SMCHD1: variants seen among roughly 807,000 people sequenced by gnomAD.
SMCHD1 encodes structural maintenance of chromosomes flexible hinge domain containing 1.
In SMCHD1, 78 loss-of-function variants were observed where a neutral mutation model predicts 254.7. That is an observed-to-expected ratio of 0.31 (90% confidence interval 0.26 to 0.37). SMCHD1 has a LOEUF of 0.37. SMCHD1 is among the 10% of genes least tolerant of loss of function. The pLI is 1.00. For missense variants in SMCHD1, 1,840 were observed against 2,408.1 expected (o/e 0.76, Z 4.94); for synonymous variants, 766 against 794.9 (o/e 0.96, Z 0.61).
At chr18:2,679,513 G>T (rs557884870) in intron 5 of SMCHD1, among the ~76,000 whole-genome samples, 1 of 126,722 alleles carries the variant, frequency 7.9e-6, no homozygotes, top group African/African-American at 2.7e-5. Flanking sequence ...ACTCTTGGTT[G>T]ACAGTCTTTT....
chr18:2,777,079 A>T (rs2076081157), intron 42 of SMCHD1, among the ~76,000 whole-genome samples: 1 of 121,262 alleles, frequency 8.2e-6, no homozygotes, highest in Admixed American at 9.1e-5. Flanking sequence ...CCCATACCCT[A>T]ATACTTTTTG....
At chr18:2,780,243 A>T (rs1207336094) in intron 44 of SMCHD1, among the ~76,000 whole-genome samples, 53 of 37,796 alleles carry the variant, frequency 1.4e-3, no homozygotes, top group African/African-American at 3.0e-3. Flanking sequence ...CTATCTAAAA[A>T]AAAAAAAAAA....
At chr18:2,705,639 C>T in intron 13 of SMCHD1, 55 bp from the exon 14 acceptor site, 3 of 819,608 alleles carry the variant, frequency 3.7e-6, no homozygotes, top group Non-Finnish European at 5.5e-6. Context: ...AAGCCTTTTT[C>T]TCTTCGTAAA....
chr18:2,717,411 G>A (rs2074826022), intron 17 of SMCHD1, among the ~76,000 whole-genome samples: 1 of 151,974 alleles, frequency 6.6e-6, no homozygotes, highest in Non-Finnish European at 1.5e-5. Context: ...TTCATAGCTC[G>A]CTGTGGCCTT....
intron 37 of SMCHD1, among the ~76,000 whole-genome samples, chr18:2,768,242 ATAAC>A (rs2075906133): frequency 6.6e-6 from 1 of 152,216 alleles, no homozygotes; most frequent in South Asian, 2.1e-4. Context: ...GAAAATATAA[ATAAC>A]CTGTAAACAT....
At chr18:2,743,500 G>A (rs186527677) in intron 28 of SMCHD1, among the ~76,000 whole-genome samples, 1 of 152,042 alleles carries the variant, frequency 6.6e-6, no homozygotes, top group Non-Finnish European at 1.5e-5. Context: ...ATAAAGAAGA[G>A]GGAAATTAAG....
Position 2,732,441 on chromosome 18 carries a change from TGAA to T in SMCHD1, c.3227_3229del (p.Glu1076del). 1 of 1,611,838 alleles carries T rather than the reference TGAA, an allele frequency of 6.2e-7. No individual in the cohort carries two copies. Among genetic ancestry groups the T allele is most frequent in the Non-Finnish European group, 8.5e-7 (1 of 1,179,158 alleles). ...ATAATCTTATTTTTCAAATGTATGA[TGAA>T]GGAGAAAGAGAAATCAATATAACAT... On this transcript the variant is annotated inframe_deletion, in exon 25 of 48. Transcript: ENST00000320876.
At chr18:2,687,807 C>T (rs2074086159) in intron 5 of SMCHD1, among the ~76,000 whole-genome samples, 1 of 152,150 alleles carries the variant, frequency 6.6e-6, no homozygotes, top group South Asian at 2.1e-4. Flanking sequence ...CTATGTCACA[C>T]CTGCTCTTTA....
rs548337751 is a variant in SMCHD1, at chr18:2,749,912, T to G, written c.3928-131T>G. On this transcript the variant is annotated intron_variant, in intron 30 of 47. Coordinates refer to ENST00000320876, the MANE Select transcript of SMCHD1 (RefSeq NM_015295.3). ...TCCAACTAGTTCAGATTTTTAAAAT[T>G]TAGATTTTAGAAGTATGCAAATACT... 4.6e-5 allele frequency: 34 copies of G among 743,884 alleles called. 1 individual carries two copies. The South Asian group carries it at 6.1e-4, about 13-fold the overall frequency. 46.1% of individuals were successfully genotyped at this position (743,884 alleles called of 1,614,324 possible). A position where few individuals can be genotyped will look rare whatever the true frequency, so the allele number is the denominator to read the frequency against.
intron 25 of SMCHD1, among the ~76,000 whole-genome samples, chr18:2,733,678 T>C (rs2075189155): frequency 6.6e-6 from 1 of 152,246 alleles, no homozygotes; most frequent in South Asian, 2.1e-4. Context: ...GCCTTATGCT[T>C]AAATTGTTTA....
chr18:2,679,844 C>A (rs2073885217), intron 5 of SMCHD1, among the ~76,000 whole-genome samples: 3 of 152,030 alleles, frequency 2.0e-5, no homozygotes, highest in Admixed American at 2.0e-4. Context: ...TCCTCTTATC[C>A]ATATACTTGA....
chr18:2,766,010 T>TTTTTTTTTTCTTTTTTTTC (rs58532877), intron 37 of SMCHD1, among the ~76,000 whole-genome samples: 39 of 140,476 alleles, frequency 2.8e-4, no homozygotes, highest in Non-Finnish European at 5.6e-4. Context: ...TCTTTTTTTT[T>TTTTTTTTTTCTTTTTTTTC]GGAGACAGAG....
rs2074553948 is a variant in SMCHD1 at position 2,707,791 on chromosome 18, A to G, written c.2147-16A>G. 6.3e-7 allele frequency: 1 copy of G among 1,580,238 alleles called. No individual in the cohort carries two copies. The highest frequency in any genetic ancestry group is 8.6e-7 in the Non-Finnish European group (1 of 1,164,454). On this transcript the variant is annotated splice_polypyrimidine_tract_variant and intron_variant, in intron 16 of 47. Coordinates refer to ENST00000320876, the MANE Select transcript of SMCHD1 (RefSeq NM_015295.3). ...TTTTGGGTGTAATTAAGATACTTTT[A>G]ATTTTTGACTCATAGGTGCGTTAAG...
intron 13 of SMCHD1, 142 bp from the exon 14 acceptor site, chr18:2,705,552 T>C (rs983375030): frequency 4.8e-6 from 2 of 418,870 alleles, no homozygotes; most frequent in Non-Finnish European, 8.5e-6. Context: ...ATTAGAATGC[T>C]GTTTTCATTA....
chr18:2,664,603 G>A (rs1170586303), intron 1 of SMCHD1, among the ~76,000 whole-genome samples: 1 of 152,124 alleles, frequency 6.6e-6, no homozygotes, highest in Non-Finnish European at 1.5e-5. Flanking sequence ...ACTTCTTTGG[G>A]GTCAGGAGGC....
At position 2,709,295 on chromosome 18, in the gene SMCHD1, T is replaced by A. The variant is rs1244581719; in HGVS notation, c.2260+1375T>A. On this transcript the variant is annotated intron_variant, in intron 17 of 47. Coordinates refer to ENST00000320876, the MANE Select transcript of SMCHD1 (RefSeq NM_015295.3). ...ATACACCATATTTTGTTTATCCATTTGTTTGATGGATACTCAGGTTACTTT... is the reference window on the plus strand; with the variant it reads ...ATACACCATATTTTGTTTATCCATTAGTTTGATGGATACTCAGGTTACTTT... 2.0e-5 allele frequency among the ~76,000 whole-genome samples: 3 copies of A among 150,182 alleles called. No individual in the cohort carries two copies. In the Admixed American group the frequency reaches 2.0e-4, roughly 10 times the overall value.
chr18:2,791,401 C>A (rs1167836823), intron 45 of SMCHD1, among the ~76,000 whole-genome samples: 2 of 152,140 alleles, frequency 1.3e-5, no homozygotes, highest in Admixed American at 1.3e-4. Flanking sequence ...TACAGTGACA[C>A]CTAATCTCTA....
At chr18:2,744,393 A>G (rs1217838702) in intron 29 of SMCHD1, among the ~76,000 whole-genome samples, 2 of 152,098 alleles carry the variant, frequency 1.3e-5, no homozygotes, top group Non-Finnish European at 2.9e-5. Context: ...TAAATTTTAA[A>G]TACTAATTTT....
chr18:2,766,508 CAT>C (rs1223003918), intron 37 of SMCHD1, among the ~76,000 whole-genome samples: 1 of 152,218 alleles, frequency 6.6e-6, no homozygotes, highest in Non-Finnish European at 1.5e-5. Context: ...TCCTGCCTCA[CAT>C]ATTGATTTAG....
Sources: gnomAD v4.1 joint callset for allele counts (sites outside exome capture counted in the v4.1 genomes callset) on GRCh38, gnomAD v4.1.1 for gene constraint, MANE v1.5 for transcripts, NCBI Gene and HGNC (gene_info 2026-07-23, HGNC 2026-07-21) for gene names.